Variants in OR9Q1 observed in about 807,000 individuals in gnomAD.
OR9Q1 encodes the protein olfactory receptor 9Q1.
For synonymous variants in OR9Q1, 153 were observed against 148.6 expected (o/e 1.03, Z -0.22); for missense variants, 374 against 378.8 (o/e 0.99, Z 0.11).
At chr11:58,087,357 T>C (rs1590581338) in intron 2 of OR9Q1, among the ~76,000 whole-genome samples, 1 of 151,848 alleles carries the variant, frequency 6.6e-6, no homozygotes, top group African/African-American at 2.4e-5. Flanking sequence ...TTTTTTCCTT[T>C]ATATACCTGG....
intron 2 of OR9Q1, chr11:58,124,743 A>C (rs1854071548): frequency 6.6e-6 from 1 of 152,224 alleles, no homozygotes; most frequent in Non-Finnish European, 1.5e-5. Context: ...GCTAGAAAGA[A>C]AATATGTTTA....
At chr11:58,056,255 G>A (rs1159579510) in intron 2 of OR9Q1, among the ~76,000 whole-genome samples, 1 of 152,128 alleles carries the variant, frequency 6.6e-6, no homozygotes, top group African/African-American at 2.4e-5. Flanking sequence ...TTTAACAGTT[G>A]ACCTTCGCTG....
At chr11:58,115,717 A>G (rs1853947667) in intron 2 of OR9Q1, among the ~76,000 whole-genome samples, 1 of 152,152 alleles carries the variant, frequency 6.6e-6, no homozygotes, top group African/African-American at 2.4e-5. Context: ...TAGGGGTGCA[A>G]TGGGGGTCTG....
At chr11:58,173,190 G>T (rs547403566) in intron 2 of OR9Q1, among the ~76,000 whole-genome samples, 8 of 151,358 alleles carry the variant, frequency 5.3e-5, no homozygotes, top group Non-Finnish European at 1.2e-4. Context: ...CTATGTGCAG[G>T]TTTGTTACAT....
intron 2 of OR9Q1, among the ~76,000 whole-genome samples, chr11:58,068,928 C>T (rs749235417): frequency 2.0e-5 from 3 of 152,094 alleles, no homozygotes; most frequent in Admixed American, 6.5e-5. Context: ...AATTGTCCAA[C>T]ACATTATTCT....
intron 2 of OR9Q1, among the ~76,000 whole-genome samples, chr11:58,070,549 G>A (rs569599387): frequency 7.2e-5 from 11 of 152,192 alleles, no homozygotes; most frequent in Admixed American, 2.6e-4. Flanking sequence ...TTGGTTTCCC[G>A]CAGGCTCCTC....
intron 1 of OR9Q1, among the ~76,000 whole-genome samples, chr11:58,032,869 G>A (rs1853056732): frequency 6.6e-6 from 1 of 151,976 alleles, no homozygotes; most frequent in Non-Finnish European, 1.5e-5. Flanking sequence ...ATCTGACAAA[G>A]GTTTAATATC....
chr11:58,143,485 A>C (rs543341855), intron 2 of OR9Q1, among the ~76,000 whole-genome samples: 49 of 152,348 alleles, frequency 3.2e-4, no homozygotes, highest in African/African-American at 1.2e-3. Context: ...TAAGGAAATG[A>C]TGTCTAACCT....
chr11:58,141,152 T>C (rs1854244917), intron 2 of OR9Q1, among the ~76,000 whole-genome samples: 1 of 152,218 alleles, frequency 6.6e-6, no homozygotes, highest in South Asian at 2.1e-4. Flanking sequence ...TATACAATCA[T>C]GTCATCTGCA....
At chr11:58,054,611 G>A (rs1357585781) in intron 1 of OR9Q1, among the ~76,000 whole-genome samples, 1 of 152,218 alleles carries the variant, frequency 6.6e-6, no homozygotes, top group Non-Finnish European at 1.5e-5. Context: ...GAAAATACAA[G>A]TGCTTAGTAA....
Position 58,180,682 on chromosome 11 carries a change from A to C in OR9Q1, c.*305A>C. On this transcript the variant is annotated 3_prime_UTR_variant, in exon 3 of 3. Coordinates refer to ENST00000335397, the MANE Select transcript of OR9Q1 (RefSeq NM_001005212.4). ...ATTATAAGAGTAATTTTTTTTGCAAAATTTTTAATGAAAGATTTTCATCAT... is the reference window on the plus strand; with the variant it reads ...ATTATAAGAGTAATTTTTTTTGCAACATTTTTAATGAAAGATTTTCATCAT... 4.3e-6 allele frequency: 1 copy of C among 232,474 alleles called. No homozygotes were observed. Among genetic ancestry groups the C allele is most frequent in the South Asian group, 1.6e-4 (1 of 6,400 alleles). 14.4% of individuals were successfully genotyped at this position (232,474 alleles called of 1,614,324 possible).
chr11:58,030,127 C>G (rs1286851988), intron 1 of OR9Q1, among the ~76,000 whole-genome samples: 3 of 152,184 alleles, frequency 2.0e-5, no homozygotes, highest in Non-Finnish European at 4.4e-5. Flanking sequence ...CACATATGAG[C>G]CACCGGGCCC....
intron 2 of OR9Q1, chr11:58,118,437 C>A (rs758913342): frequency 1.2e-5 from 13 of 1,062,926 alleles, no homozygotes; most frequent in Non-Finnish European, 1.6e-5. Context: ...AGTAATGGTG[C>A]CTATTAGGAT....
chr11:58,056,576 ACAGT>A (rs1275508769), intron 2 of OR9Q1, among the ~76,000 whole-genome samples: 9 of 152,356 alleles, frequency 5.9e-5, no homozygotes, highest in South Asian at 2.1e-4. Flanking sequence ...TTTGTTGAAC[ACAGT>A]CAGATTGATT....
At chr11:58,024,778 C>G (rs11229217) in intron 1 of OR9Q1, among the ~76,000 whole-genome samples, 1 of 152,180 alleles carries the variant, frequency 6.6e-6, no homozygotes, top group Admixed American at 6.5e-5. Flanking sequence ...GGGAGTGTGA[C>G]TGTGCTTTGC....
At chr11:58,128,647 A>T (rs996242345) in intron 2 of OR9Q1, among the ~76,000 whole-genome samples, 3 of 152,152 alleles carry the variant, frequency 2.0e-5, no homozygotes, top group Admixed American at 6.5e-5. Flanking sequence ...TTAAAAAAAA[A>T]TTTTTGTGGA....
chr11:58,149,265 T>G (rs1854327841), intron 2 of OR9Q1, among the ~76,000 whole-genome samples: 1 of 152,170 alleles, frequency 6.6e-6, no homozygotes, highest in African/African-American at 2.4e-5. Context: ...ATTTCATTCA[T>G]TAATTCAATA....
chr11:58,180,518 C>A lies in OR9Q1; in HGVS notation c.*141C>A. 1 of 501,566 alleles carries A rather than the reference C, an allele frequency of 2.0e-6. No homozygotes were observed. The highest frequency in any genetic ancestry group is 3.5e-6 in the Non-Finnish European group (1 of 285,334). 31.1% of individuals were successfully genotyped at this position (501,566 alleles called of 1,614,324 possible). On this transcript the variant is annotated 3_prime_UTR_variant, in exon 3 of 3. Transcript: ENST00000335397. ...TAAAAAAGAACCAGAACTTTTAGCT[C>A]CAGGGAGAGGAAGGAAGACAAGGAA...
chr11:58,031,415 G>A lies in OR9Q1; in HGVS notation c.-93+7311G>A, dbSNP rs746990702. ...CCGTCTGGCAGCTGCCTGTTGGCTGGTAGGTTTCCTCACACCCATCTTGCC... is the reference window on the plus strand; with the variant it reads ...CCGTCTGGCAGCTGCCTGTTGGCTGATAGGTTTCCTCACACCCATCTTGCC... On this transcript the variant is annotated intron_variant, in intron 1 of 2. Transcript: ENST00000335397. 9 of 1,614,150 alleles carry A rather than the reference G, an allele frequency of 5.6e-6. No individual in the cohort carries two copies. The highest frequency in any genetic ancestry group is 1.6e-4 in the Middle Eastern group (1 of 6,062).
Sources: gnomAD v4.1 joint callset for allele counts (sites outside exome capture counted in the v4.1 genomes callset) on GRCh38, gnomAD v4.1.1 for gene constraint, MANE v1.5 for transcripts, NCBI Gene and HGNC (gene_info 2026-07-23, HGNC 2026-07-21) for gene names.